PDE1A: variants seen among roughly 807,000 people sequenced by gnomAD.
PDE1A encodes the protein dual specificity calcium/calmodulin-dependent 3',5'-cyclic nucleotide phosphodiesterase 1A.
PDE1A carries 35 observed loss-of-function variants against 61.7 expected under a neutral mutation model. That is an observed-to-expected ratio of 0.57 (90% CI 0.43 to 0.75). The LOEUF is 0.75. Among genes scored for constraint, PDE1A ranks in the 30% least tolerant of loss-of-function variants. PDE1A has a pLI of 0.00. For missense variants in PDE1A, 597 were observed against 630.6 expected (o/e 0.95, Z 0.57); for synonymous variants, 232 against 213.2 (o/e 1.09, Z -0.77).
At chr2:182,142,443 G>A (rs1690271820), downstream of PDE1A, 4 of 152,148 alleles carry the variant, frequency 2.6e-5, no homozygotes, top group Admixed American at 2.6e-4. Context: ...GTGTTCATCA[G>A]GTCACCTAGC....
At chr2:182,212,991 T>C (rs1407180618) in intron 7 of PDE1A, among the ~76,000 whole-genome samples, 2 of 149,888 alleles carry the variant, frequency 1.3e-5, no homozygotes, top group African/African-American at 4.9e-5. Context: ...AAGACAGCAG[T>C]AACCTCTGCA....
At chr2:182,261,779 A>C (rs2125778518) in intron 2 of PDE1A, among the ~76,000 whole-genome samples, 1 of 152,344 alleles carries the variant, frequency 6.6e-6, no homozygotes, top group Non-Finnish European at 1.5e-5. Context: ...ATAAATAAAT[A>C]AAGCATATAA....
chr2:182,292,644 TATC>T (rs1173626956), intron 1 of PDE1A, among the ~76,000 whole-genome samples: 1 of 152,036 alleles, frequency 6.6e-6, no homozygotes, highest in Non-Finnish European at 1.5e-5. Flanking sequence ...TTTTTTATAA[TATC>T]ATAATGCAGA....
At chr2:182,230,945 G>C in intron 5 of PDE1A, 70 bp downstream of exon 5, 1 of 769,840 alleles carries the variant, frequency 1.3e-6, no homozygotes, top group Non-Finnish European at 2.2e-6. Context: ...TTACTCAAAT[G>C]TTCTGCATTT....
chr2:182,595,904 C>T, the PDE1A span, among the ~76,000 whole-genome samples: 1 of 152,152 alleles, frequency 6.6e-6, no homozygotes, highest in Non-Finnish European at 1.5e-5. Context: ...TCTCAACCCT[C>T]ATAGCACAGT....
intron 1 of PDE1A, among the ~76,000 whole-genome samples, chr2:182,289,328 A>C (rs1694371448): frequency 6.7e-6 from 1 of 150,116 alleles, no homozygotes; most frequent in Non-Finnish European, 1.5e-5. Context: ...CTAAGATTTC[A>C]GGTAACATAG....
At chr2:182,165,534 T>A (rs1691613041), downstream of PDE1A, among the ~76,000 whole-genome samples, 1 of 151,992 alleles carries the variant, frequency 6.6e-6, no homozygotes, top group African/African-American at 2.4e-5. Context: ...TTAGAGCAAC[T>A]ATTAGTATTA....
At chr2:182,567,649 T>C in the PDE1A span, among the ~76,000 whole-genome samples, 2 of 152,192 alleles carry the variant, frequency 1.3e-5, no homozygotes, top group African/African-American at 4.8e-5. Flanking sequence ...GCTTGCAATA[T>C]TGCAAATTGA....
At chr2:182,693,401 A>G in the PDE1A span, among the ~76,000 whole-genome samples, 2 of 152,208 alleles carry the variant, frequency 1.3e-5, no homozygotes, top group South Asian at 4.1e-4. Context: ...ATACTGTATT[A>G]TTTGTATTTT....
the PDE1A span, among the ~76,000 whole-genome samples, chr2:182,666,608 C>CAA: frequency 3.0e-4 from 42 of 140,006 alleles, no homozygotes; most frequent in African/African-American, 1.0e-3. Flanking sequence ...AACTCTGTCT[C>CAA]AAAAAAAAAA....
chr2:182,212,725 G>A (rs1225706608), intron 7 of PDE1A, among the ~76,000 whole-genome samples: 13 of 152,224 alleles, frequency 8.5e-5, no homozygotes, highest in South Asian at 4.2e-4. Flanking sequence ...AAAAAATGGC[G>A]CACCACGAGA....
chr2:182,161,585 G>A (rs1269740581), intron 13 of PDE1A, among the ~76,000 whole-genome samples: 1 of 152,090 alleles, frequency 6.6e-6, no homozygotes, highest in Non-Finnish European at 1.5e-5. Flanking sequence ...TGCCGGGCAA[G>A]ACAATGCTGA....
At chr2:182,599,120 C>T in the PDE1A span, among the ~76,000 whole-genome samples, 1 of 152,194 alleles carries the variant, frequency 6.6e-6, no homozygotes, top group Non-Finnish European at 1.5e-5. Context: ...GCTGCAGACT[C>T]ATGCATCCTG....
chr2:182,161,461 C>G (rs1691377677), intron 13 of PDE1A, among the ~76,000 whole-genome samples: 1 of 152,072 alleles, frequency 6.6e-6, no homozygotes, highest in Admixed American at 6.5e-5. Context: ...GGTGACTGTC[C>G]TCTCCACCTC....
At chr2:182,587,931 G>C in the PDE1A span, among the ~76,000 whole-genome samples, 1 of 152,152 alleles carries the variant, frequency 6.6e-6, no homozygotes, top group Non-Finnish European at 1.5e-5. Flanking sequence ...ATGTGACTTT[G>C]AATAACATCT....
chr2:182,435,072 T>A (rs1327063814), intron 2 of PDE1A, among the ~76,000 whole-genome samples: 1 of 151,924 alleles, frequency 6.6e-6, no homozygotes, highest in Non-Finnish European at 1.5e-5. Flanking sequence ...CAATTAGCAC[T>A]CCCACCACTT....
the PDE1A span, among the ~76,000 whole-genome samples, chr2:182,714,469 C>T: frequency 4.6e-5 from 7 of 152,158 alleles, no homozygotes; most frequent in African/African-American, 1.7e-4. Flanking sequence ...TTTCCCTAAA[C>T]AGATCTTCAT....
At chr2:182,713,582 G>A in the PDE1A span, among the ~76,000 whole-genome samples, 1 of 152,202 alleles carries the variant, frequency 6.6e-6, no homozygotes, top group Non-Finnish European at 1.5e-5. Flanking sequence ...AATGAGCCAA[G>A]ATCGCACCAT....
chr2:182,441,907 T>TA (rs1051528195), intron 2 of PDE1A, among the ~76,000 whole-genome samples: 15 of 151,992 alleles, frequency 9.9e-5, no homozygotes, highest in Non-Finnish European at 2.1e-4. Context: ...TCATTTCTGA[T>TA]AAAAAATAAA....
Sources: gnomAD v4.1 joint callset for allele counts (sites outside exome capture counted in the v4.1 genomes callset) on GRCh38, gnomAD v4.1.1 for gene constraint, MANE v1.5 for transcripts, NCBI Gene and HGNC (gene_info 2026-07-23, HGNC 2026-07-21) for gene names.